Variants in C4orf50 observed in about 807,000 individuals in gnomAD.
C4orf50 encodes the protein uncharacterized protein C4orf50.
Under a neutral mutation model 77.2 loss-of-function variants are expected in C4orf50, and 80 were observed. The observed-to-expected ratio is 1.04, with a 90% confidence interval of 0.87 to 1.25. The LOEUF is 1.25. Ranked by LOEUF, C4orf50 falls within the 50% of genes most tolerant of loss-of-function variation. The pLI is 0.00. For missense variants in C4orf50, 1,257 were observed against 1,152.9 expected (o/e 1.09, Z -1.31); for synonymous variants, 532 against 465.3 (o/e 1.14, Z -1.84).
intron 23 of C4orf50, among the ~76,000 whole-genome samples, chr4:6,012,546 A>T (rs778945145): frequency 6.6e-6 from 1 of 152,006 alleles, no homozygotes; most frequent in Non-Finnish European, 1.5e-5. Flanking sequence ...GAAAAAAATT[A>T]ATCTCTGCAT....
At chr4:5,924,003 G>A (rs1015533583) in intron 7 of C4orf50, among the ~76,000 whole-genome samples, 2 of 152,128 alleles carry the variant, frequency 1.3e-5, no homozygotes, top group Non-Finnish European at 2.9e-5. Flanking sequence ...TCCCGCTCCT[G>A]AACATTAGGC....
Position 6,011,694 on chromosome 4 carries a change from T to G in C4orf50, c.426+136A>C, listed in dbSNP as rs991725526. Reference sequence around the variant, plus strand: ...GCAGTCACGCCATGCACCATGAACGTAGGATCTCTCTAACCCTCCTGACTG... The same window carrying G: ...GCAGTCACGCCATGCACCATGAACGGAGGATCTCTCTAACCCTCCTGACTG... On this transcript the variant is annotated intron_variant, in intron 24 of 33. Coordinates refer to ENST00000531445, the Ensembl canonical transcript of C4orf50. This position sits in a 1 kb window ranked among gnomAD's most constrained non-coding sequence, Gnocchi z 4.2. 2.5e-6 allele frequency: 1 copy of G among 397,178 alleles called. No individual in the cohort carries two copies. Among genetic ancestry groups the G allele is most frequent in the Non-Finnish European group, 4.4e-6 (1 of 225,748 alleles). 24.6% of individuals were successfully genotyped at this position (397,178 alleles called of 1,614,324 possible). A position where few individuals can be genotyped will look rare whatever the true frequency, so the allele number is the denominator to read the frequency against.
intron 32 of C4orf50, 95 bp from the exon 11 acceptor site, chr4:5,965,240 A>G (rs551555780): frequency 1.6e-6 from 2 of 1,288,764 alleles, no homozygotes; most frequent in African/African-American, 1.5e-5. Context: ...TTCACTCTCT[A>G]GCCATTCCCA....
At chr4:5,933,714 G>C (rs1717870132) in intron 7 of C4orf50, among the ~76,000 whole-genome samples, 4 of 152,218 alleles carry the variant, frequency 2.6e-5, no homozygotes, top group Non-Finnish European at 5.9e-5. Flanking sequence ...GGTGCCCATG[G>C]GAAATGGGCT....
At chr4:6,004,409 TGTTGGTGATGA>T (rs1722137843) in intron 25 of C4orf50, among the ~76,000 whole-genome samples, 1 of 52,722 alleles carries the variant, frequency 1.9e-5, no homozygotes, top group East Asian at 9.8e-4. Context: ...GTGATGGAGA[TGTTGGTGATGA>T]TGGTGATGGT....
chr4:5,993,992 C>T (rs1259671075), intron 26 of C4orf50, among the ~76,000 whole-genome samples: 1 of 152,102 alleles, frequency 6.6e-6, no homozygotes, highest in African/African-American at 2.4e-5. Flanking sequence ...AGTGGGGGGA[C>T]AGGACGGCTC....
At chr4:6,004,042 G>GTGATGGTGATGGTGATGATAGTGA (rs1722029566) in intron 25 of C4orf50, among the ~76,000 whole-genome samples, 1 of 21,678 alleles carries the variant, frequency 4.6e-5, no homozygotes, top group African/African-American at 1.6e-4. Context: ...AGTGATGATG[G>GTGATGGTGATGGTGATGATAGTGA]TGATGGTGAT....
At chr4:5,960,828 G>A (rs995814132) in intron 33 of C4orf50, among the ~76,000 whole-genome samples, 6 of 152,296 alleles carry the variant, frequency 3.9e-5, no homozygotes, top group Middle Eastern at 3.4e-3. Context: ...ACTAATGTGC[G>A]CATCAGGAGT....
At chr4:5,913,008 A>G (rs1203497627) in intron 7 of C4orf50, among the ~76,000 whole-genome samples, 1 of 152,246 alleles carries the variant, frequency 6.6e-6, no homozygotes, top group Non-Finnish European at 1.5e-5. Flanking sequence ...TTCCATCTCT[A>G]GAAATTAGCC....
At chr4:5,981,929 G>T (rs1030075929) in intron 28 of C4orf50, among the ~76,000 whole-genome samples, 4 of 152,086 alleles carry the variant, frequency 2.6e-5, no homozygotes, top group African/African-American at 9.7e-5. Context: ...GGTAGGAGGG[G>T]GATCCCAAGC....
chr4:6,003,733 GTGA>G (rs1721963198), intron 25 of C4orf50, among the ~76,000 whole-genome samples: 1 of 137,912 alleles, frequency 7.3e-6, no homozygotes, highest in Non-Finnish European at 1.6e-5. Context: ...GATGGTGATG[GTGA>G]TGATAGTGGT....
intron 7 of C4orf50, among the ~76,000 whole-genome samples, chr4:5,939,087 C>T (rs932599926): frequency 2.6e-5 from 4 of 152,040 alleles, no homozygotes; most frequent in African/African-American, 9.7e-5. Flanking sequence ...ACCAAAAATA[C>T]AAAAAATTAG....
chr4:5,988,311 G>T (rs968281217), intron 28 of C4orf50, 36 bp downstream of exon 6: 1 of 1,599,166 alleles, frequency 6.3e-7, no homozygotes, highest in Non-Finnish European at 8.5e-7. Flanking sequence ...ACAGAGTCAT[G>T]CGTGATGAGT....
intron 25 of C4orf50, among the ~76,000 whole-genome samples, chr4:6,003,588 ATGTTGATGG>A (rs1199459405): frequency 1.5e-4 from 19 of 123,830 alleles, no homozygotes; most frequent in African/African-American, 5.8e-4. Context: ...TGTGATGGTG[ATGTTGATGG>A]TGGTGATGGT....
chr4:5,926,667 C>T (rs1717529121), intron 7 of C4orf50, among the ~76,000 whole-genome samples: 1 of 151,928 alleles, frequency 6.6e-6, no homozygotes, highest in Non-Finnish European at 1.5e-5. Flanking sequence ...GTACCTGTGT[C>T]CCCGGGCCCA....
chr4:5,959,594 A>G lies in C4orf50; in HGVS notation c.4308T>C (p.Pro1436=), dbSNP rs773623460. Residue 1436 remains proline, a synonymous_variant, in exon 34 of 34, where the codon CCT becomes CCC. Transcript: ENST00000531445. ...CAGTGACCGCTGCCAGGCACGTTCCAGGATCAAGCGTGGACACCAAGGACA... is the reference window on the plus strand; with the variant it reads ...CAGTGACCGCTGCCAGGCACGTTCCGGGATCAAGCGTGGACACCAAGGACA... 4 of 1,614,164 alleles carry G rather than the reference A, an allele frequency of 2.5e-6. No individual in the cohort carries two copies. The Admixed American group carries it at 6.7e-5, about 27-fold the overall frequency.
At chr4:5,972,524 A>T (rs141636786) in intron 31 of C4orf50, among the ~76,000 whole-genome samples, 24 of 152,334 alleles carry the variant, frequency 1.6e-4, no homozygotes, top group African/African-American at 5.3e-4. Flanking sequence ...GGCCCTGAAC[A>T]TGCCTCTTGG....
intron 25 of C4orf50, among the ~76,000 whole-genome samples, chr4:6,004,651 T>G (rs145841305): frequency 0.025 from 1,277 of 51,526 alleles, no homozygotes; most frequent in East Asian, 0.032. Flanking sequence ...TGATGGTGAT[T>G]ATGGTGATGA....
intron 7 of C4orf50, among the ~76,000 whole-genome samples, chr4:5,943,831 C>G (rs186834944): frequency 5.8e-4 from 89 of 152,302 alleles, no homozygotes; most frequent in African/African-American, 1.3e-3. Context: ...TTAGACTCAT[C>G]GGACTTCATC....
Sources: gnomAD v4.1 joint callset for allele counts (sites outside exome capture counted in the v4.1 genomes callset) on GRCh38, gnomAD v4.1.1 for gene constraint, Gnocchi (gnomAD v3.1) non-coding constraint, MANE v1.5 for transcripts, NCBI Gene and HGNC (gene_info 2026-07-23, HGNC 2026-07-21) for gene names.